The following CNTN4 variants were observed in gnomAD, a reference collection of about 807,000 sequenced individuals.
The protein encoded by CNTN4 is contactin-4.
In CNTN4, 77 loss-of-function variants were observed where a neutral mutation model predicts 122.5. The observed-to-expected ratio is 0.63, with a 90% CI of 0.52 to 0.76. The LOEUF (loss-of-function observed/expected upper bound fraction) is 0.76, where lower values mean the gene tolerates loss of function less well. CNTN4 is among the 30% of genes least tolerant of loss of function. The pLI is 0.00. For missense variants in CNTN4, 1,256 were observed against 1,259.1 expected (o/e 1.00, Z 0.04); for synonymous variants, 512 against 447.0 (o/e 1.15, Z -1.83).
chr3:2,163,369 C>A (rs2036047067), intron 2 of CNTN4, among the ~76,000 whole-genome samples: 1 of 152,098 alleles, frequency 6.6e-6, no homozygotes, highest in Non-Finnish European at 1.5e-5. Context: ...TCATCAAAGA[C>A]TTAAATCTAA....
chr3:3,019,082 G>GA (rs1429373282), intron 14 of CNTN4, among the ~76,000 whole-genome samples: 4 of 152,088 alleles, frequency 2.6e-5, no homozygotes, highest in Admixed American at 6.5e-5. Context: ...ATAAATGGGG[G>GA]AGAGGGGAAC....
At chr3:2,395,725 T>A (rs995865021) in intron 3 of CNTN4, among the ~76,000 whole-genome samples, 2 of 152,138 alleles carry the variant, frequency 1.3e-5, no homozygotes. Context: ...CCTGAGTTAA[T>A]TTGCTTAGAG....
intron 3 of CNTN4, among the ~76,000 whole-genome samples, chr3:2,560,734 T>C (rs187377733): frequency 5.0e-4 from 76 of 152,294 alleles, no homozygotes; most frequent in Non-Finnish European, 6.8e-4. Flanking sequence ...GCAGCCCTCT[T>C]AGAGTATTAT....
At chr3:2,591,973 G>A (rs545682494) in intron 4 of CNTN4, among the ~76,000 whole-genome samples, 1 of 152,176 alleles carries the variant, frequency 6.6e-6, no homozygotes, top group South Asian at 2.1e-4. Context: ...AAACTCCTGG[G>A]CTCAAGGCAT....
rs532845489 is a variant in CNTN4 at position 2,885,130 on chromosome 3, G to A, written c.755+1883G>A. Among the ~76,000 whole-genome samples the A allele has an allele frequency of 2.0e-5, 3 of 152,324 alleles. No homozygotes were observed. In the South Asian group the frequency reaches 6.2e-4, roughly 32 times the overall value. On this transcript the variant is annotated intron_variant, in intron 9 of 24. Coordinates refer to ENST00000418658, the MANE Select transcript of CNTN4 (RefSeq NM_175607.3). ...TTTAAATACCATCTCAGGTTTCCCA[G>A]AGAAGATTAGCAAGTCTTTAGTCTA...
chr3:2,929,330 G>C (rs1199584266), intron 13 of CNTN4, among the ~76,000 whole-genome samples: 1 of 152,184 alleles, frequency 6.6e-6, no homozygotes, highest in Non-Finnish European at 1.5e-5. Context: ...TTTTTAGACA[G>C]AAGGTACTTT....
At chr3:2,748,254 C>A (rs1352716637) in intron 6 of CNTN4, among the ~76,000 whole-genome samples, 1 of 152,150 alleles carries the variant, frequency 6.6e-6, no homozygotes, top group Non-Finnish European at 1.5e-5. Context: ...AACATATAAT[C>A]ATGTAAAATC....
chr3:2,962,923 G>C (rs1309014477), intron 13 of CNTN4, among the ~76,000 whole-genome samples: 1 of 152,152 alleles, frequency 6.6e-6, no homozygotes, highest in Non-Finnish European at 1.5e-5. Flanking sequence ...TGCCCTCTTA[G>C]TTGGTGTTAA....
chr3:2,170,269 G>A (rs188623536), intron 2 of CNTN4, among the ~76,000 whole-genome samples: 111 of 151,776 alleles, frequency 7.3e-4, no homozygotes, highest in African/African-American at 9.5e-4. Flanking sequence ...GCAGTGAGCC[G>A]AGATCGCGCC....
intron 6 of CNTN4, among the ~76,000 whole-genome samples, chr3:2,813,098 CCA>C (rs147568072): frequency 1.3e-5 from 2 of 151,350 alleles, no homozygotes; most frequent in African/African-American, 2.4e-5. Context: ...AAGTGTGCAT[CCA>C]CACACACACA....
rs1314012333 is a variant in CNTN4, at chr3:2,126,528, A to G, written c.-145+25889A>G. Among the ~76,000 whole-genome samples, 4 of 152,098 alleles carry G rather than the reference A, an allele frequency of 2.6e-5. No individual in the cohort carries two copies. The East Asian group carries it at 5.8e-4, about 22-fold the overall frequency. ...ATAATTTTTGTGTCCTGTGAACTTT[A>G]TTTAATCATTAGCTAATAAGATTTA... On this transcript the variant is annotated intron_variant, in intron 2 of 24. Coordinates refer to ENST00000418658, the MANE Select transcript of CNTN4 (RefSeq NM_175607.3).
chr3:3,053,562 G>A (rs112394460), intron 23 of CNTN4, among the ~76,000 whole-genome samples: 2 of 152,238 alleles, frequency 1.3e-5, no homozygotes, highest in African/African-American at 4.8e-5. Context: ...GAGAGGCTAG[G>A]CAGTAGGTAG....
At chr3:2,524,143 G>A (rs892813038) in intron 3 of CNTN4, among the ~76,000 whole-genome samples, 4 of 151,872 alleles carry the variant, frequency 2.6e-5, no homozygotes, top group African/African-American at 4.8e-5. Context: ...GTTCACAGTC[G>A]CTTCCCATTT....
At chr3:2,215,907 A>AAAAAG in intron 2 of CNTN4, among the ~76,000 whole-genome samples, 1 of 149,450 alleles carries the variant, frequency 6.7e-6, no homozygotes, top group African/African-American at 2.5e-5. Context: ...AAAAAAAAAA[A>AAAAAG]GAGTTCCCTT....
intron 3 of CNTN4, among the ~76,000 whole-genome samples, chr3:2,439,638 G>T (rs186361985): frequency 1.3e-5 from 2 of 151,992 alleles, no homozygotes; most frequent in East Asian, 3.9e-4. Context: ...GTGTGTGTGC[G>T]CGCGTGCTTG....
intron 2 of CNTN4, among the ~76,000 whole-genome samples, chr3:2,120,709 T>A (rs2125203893): frequency 6.6e-6 from 1 of 152,054 alleles, no homozygotes; most frequent in African/African-American, 2.4e-5. Flanking sequence ...GGCTGATAAA[T>A]AATTTTTTAA....
chr3:2,772,282 C>CCTTATAG (rs756972485), intron 6 of CNTN4, among the ~76,000 whole-genome samples: 21 of 151,914 alleles, frequency 1.4e-4, no homozygotes, highest in Middle Eastern at 3.4e-3. Context: ...ATATCGCAGG[C>CCTTATAG]AAGAAATAAT....
intron 4 of CNTN4, among the ~76,000 whole-genome samples, chr3:2,668,234 T>G (rs1314972799): frequency 2.0e-5 from 3 of 152,168 alleles, no homozygotes; most frequent in African/African-American, 7.2e-5. Context: ...GCATGGAATG[T>G]TCTTCCATTT....
chr3:2,428,719 G>A (rs62233804), intron 3 of CNTN4, among the ~76,000 whole-genome samples: 2,106 of 152,256 alleles, frequency 0.014, 16 homozygotes, highest in Middle Eastern at 0.031. Context: ...CCAATCAGAC[G>A]TGGATTTGGT....
Sources: gnomAD v4.1 joint callset for allele counts (sites outside exome capture counted in the v4.1 genomes callset) on GRCh38, gnomAD v4.1.1 for gene constraint, MANE v1.5 for transcripts, NCBI Gene and HGNC (gene_info 2026-07-23, HGNC 2026-07-21) for gene names.